GRIP2: variants seen among roughly 807,000 people sequenced by gnomAD.
GRIP2 encodes the protein glutamate receptor-interacting protein 2.
In GRIP2, 58 loss-of-function variants were observed where a neutral mutation model predicts 108.3. The observed-to-expected ratio is 0.54, with a 90% CI of 0.43 to 0.67. The LOEUF (loss-of-function observed/expected upper bound fraction) is 0.67, where lower values mean the gene tolerates loss of function less well. GRIP2 is among the 30% of genes least tolerant of loss of function. The pLI is 0.00. For missense variants in GRIP2, 1,278 were observed against 1,430.6 expected, an observed-to-expected ratio of 0.89 and a Z score of 1.72; for synonymous variants, 586 against 598.2, an observed-to-expected ratio of 0.98 and a Z score of 0.30.
upstream of GRIP2, among the ~76,000 whole-genome samples, chr3:14,558,338 T>A (rs1695267465): frequency 6.6e-6 from 1 of 152,190 alleles, no homozygotes; most frequent in Non-Finnish European, 1.5e-5. Context: ...GAGCCCCGCC[T>A]GGCTGGCTTA....
At chr3:14,516,299 T>G (rs1350210446) in intron 11 of GRIP2, among the ~76,000 whole-genome samples, 2 of 152,212 alleles carry the variant, frequency 1.3e-5, no homozygotes, top group Admixed American at 1.3e-4. Flanking sequence ...TGACCTGTAC[T>G]CCTCTCTTCT....
the GRIP2 span, among the ~76,000 whole-genome samples, chr3:14,596,473 C>T: frequency 6.6e-6 from 1 of 152,192 alleles, no homozygotes; most frequent in African/African-American, 2.4e-5. Flanking sequence ...CCCACATTCT[C>T]TGGTTCAACA....
the GRIP2 span, among the ~76,000 whole-genome samples, chr3:14,561,886 G>A: frequency 6.6e-6 from 1 of 152,206 alleles, no homozygotes; most frequent in African/African-American, 2.4e-5. Flanking sequence ...GAGGATGCAG[G>A]CAGATGCAGG....
At chr3:14,516,288 G>A (rs1445083874) in intron 11 of GRIP2, among the ~76,000 whole-genome samples, 1 of 152,096 alleles carries the variant, frequency 6.6e-6, no homozygotes, top group Admixed American at 6.6e-5. Flanking sequence ...CAGACACCAG[G>A]TGACCTGTAC....
At chr3:14,564,618 G>T in the GRIP2 span, among the ~76,000 whole-genome samples, 1 of 152,254 alleles carries the variant, frequency 6.6e-6, no homozygotes, top group Admixed American at 6.5e-5. Flanking sequence ...GGCTCCGTGC[G>T]TGGGACCTGA....
At chr3:14,597,236 G>A in the GRIP2 span, among the ~76,000 whole-genome samples, 1 of 152,158 alleles carries the variant, frequency 6.6e-6, no homozygotes, top group African/African-American at 2.4e-5. Context: ...CTTCCAATAT[G>A]TGTTTCAGAT....
chr3:14,507,737 A>G lies in GRIP2; in HGVS notation c.2079-37T>C, dbSNP rs773315253. The stretch of plus-strand genomic sequence containing the variant: ...ATGCAGGGCAGAGAATGGGAGTTAG[A>G]CACTCAGGGCCTCAGAGTGGCAGTC... On this transcript the variant is annotated intron_variant, in intron 17 of 23. Coordinates refer to ENST00000621039, the MANE Select transcript of GRIP2 (RefSeq NM_001080423.4). The surrounding 1 kb of genome is among the most constrained non-coding windows in gnomAD (Gnocchi z 4.6). 1.1e-5 allele frequency: 18 copies of G among 1,598,922 alleles called. 1 individual carries two copies. The Admixed American group carries it at 2.7e-4, about 24-fold the overall frequency.
chr3:14,491,344 A>G lies in GRIP2; in HGVS notation c.*2321T>C, dbSNP rs1282749890. On this transcript the variant is annotated 3_prime_UTR_variant, in exon 24 of 24. Coordinates refer to ENST00000621039, the MANE Select transcript of GRIP2 (RefSeq NM_001080423.4). ...CTAAGAAAACCCGATGTAGAAAAAT[A>G]CTTTACAAGGAATGTGTTCTAATCT... 3 of 152,236 alleles carry G rather than the reference A, an allele frequency of 2.0e-5. No individual in the cohort carries two copies. Among genetic ancestry groups the G allele is most frequent in the Non-Finnish European group, 4.4e-5 (3 of 68,076 alleles). The allele number at this position is 152,236 out of a possible 1,614,324, so 9.4% of individuals were successfully genotyped here.
At position 14,494,500 on chromosome 3, in the gene GRIP2, C is replaced by T. The variant is rs560831352; in HGVS notation, c.2970+343G>A. ...GATGAGTGTTGCTTCTGGGTGAAGGCGGAAAAAATCCACGTGTGACTTTCC... is the reference window on the plus strand; with the variant it reads ...GATGAGTGTTGCTTCTGGGTGAAGGTGGAAAAAATCCACGTGTGACTTTCC... On this transcript the variant is annotated intron_variant, in intron 23 of 23. Transcript: ENST00000621039. Among the ~76,000 whole-genome samples, 5 of 152,278 alleles carry T rather than the reference C, an allele frequency of 3.3e-5. No individual in the cohort carries two copies. The South Asian group carries it at 8.3e-4, about 25-fold the overall frequency.
chr3:14,530,926 C>T (rs1200854921), intron 1 of GRIP2: 2 of 152,182 alleles, frequency 1.3e-5, no homozygotes, highest in Non-Finnish European at 2.9e-5. Flanking sequence ...TGACTATAGT[C>T]ACCCTAGTGT....
chr3:14,499,453 C>A (rs1020056581), intron 21 of GRIP2, among the ~76,000 whole-genome samples: 1 of 152,122 alleles, frequency 6.6e-6, no homozygotes, highest in Non-Finnish European at 1.5e-5. Context: ...TGGTGGCTCA[C>A]ACCTGTAATC....
chr3:14,490,568 T>C lies in GRIP2; in HGVS notation c.*3097A>G, dbSNP rs556142763. The C allele has an allele frequency of 6.6e-6, 1 of 152,532 alleles. No individual in the cohort carries two copies. Among genetic ancestry groups the C allele is most frequent in the South Asian group, 2.1e-4 (1 of 4,830 alleles). The allele number at this position is 152,532 out of a possible 1,614,324, so 9.4% of individuals were successfully genotyped here. On this transcript the variant is annotated 3_prime_UTR_variant, in exon 24 of 24. Transcript: ENST00000621039. ...CCCAACCTGGGCTAAAGAGACTCCA[T>C]ATGCAGGCACCACTGCCTGCCTCTG...
At chr3:14,498,940 G>C (rs991720694) in intron 21 of GRIP2, among the ~76,000 whole-genome samples, 2 of 152,208 alleles carry the variant, frequency 1.3e-5, no homozygotes, top group African/African-American at 4.8e-5. Context: ...CTGGGGTACT[G>C]TTCAGGGAAA....
chr3:14,504,371 G>T (rs941100117), intron 20 of GRIP2, among the ~76,000 whole-genome samples: 1 of 149,414 alleles, frequency 6.7e-6, no homozygotes, highest in East Asian at 2.0e-4. Context: ...GAGTGCAGTG[G>T]CATGATCTCG....
intron 1 of GRIP2, among the ~76,000 whole-genome samples, chr3:14,553,619 C>T (rs1339744634): frequency 6.6e-6 from 1 of 152,108 alleles, no homozygotes; most frequent in Non-Finnish European, 1.5e-5. Context: ...GACCTCCGCC[C>T]AAGTATTCAC....
rs2124856707 is a variant in GRIP2 at position 14,503,311 on chromosome 3, G to A, written c.2679+255C>T. Among the ~76,000 whole-genome samples, 2 of 152,348 alleles carry A rather than the reference G, an allele frequency of 1.3e-5. 1 individual carries two copies. The highest frequency in any genetic ancestry group is 6.8e-3 in the Middle Eastern group (2 of 294). On this transcript the variant is annotated intron_variant, in intron 21 of 23. Transcript: ENST00000621039. ...ACACATATGCTCCCAATGTACACAT[G>A]ATGATGTCACACATATTCCATGTCC... is the stretch of plus-strand genomic sequence containing the variant.
At chr3:14,553,400 C>T (rs1391345663) in intron 1 of GRIP2, among the ~76,000 whole-genome samples, 2 of 152,094 alleles carry the variant, frequency 1.3e-5, no homozygotes, top group Admixed American at 6.5e-5. Flanking sequence ...CATAAGCCAC[C>T]GTGCCTGGCC....
chr3:14,506,062 C>T lies in GRIP2; in HGVS notation c.2399-273G>A, dbSNP rs374410440. Among the ~76,000 whole-genome samples the T allele has an allele frequency of 2.6e-5, 4 of 152,184 alleles. No homozygotes were observed. The South Asian group carries it at 6.2e-4, about 24-fold the overall frequency. On this transcript the variant is annotated intron_variant, in intron 19 of 23. Transcript: ENST00000621039. ...CACGGAAGGAGGCTGAACATGTGGC[C>T]CACCCTCCACTTCCTGCCTTTGGGA... is the stretch of plus-strand genomic sequence containing the variant.
At chr3:14,530,114 G>T (rs1478413577) in intron 1 of GRIP2, among the ~76,000 whole-genome samples, 1 of 152,212 alleles carries the variant, frequency 6.6e-6, no homozygotes, top group Non-Finnish European at 1.5e-5. Flanking sequence ...GGAGACCACT[G>T]GAGGCTGAGT....
Sources: gnomAD v4.1 joint callset for allele counts (sites outside exome capture counted in the v4.1 genomes callset) on GRCh38, gnomAD v4.1.1 for gene constraint, Gnocchi (gnomAD v3.1) non-coding constraint, MANE v1.5 for transcripts, NCBI Gene and HGNC (gene_info 2026-07-23, HGNC 2026-07-21) for gene names.